SDK1: variants seen among roughly 807,000 people sequenced by gnomAD.
The protein encoded by SDK1 is protein sidekick-1.
SDK1 carries 157 observed loss-of-function variants against 245.5 expected under a neutral mutation model. The observed-to-expected ratio is 0.64, with a 90% CI of 0.56 to 0.73. The LOEUF is 0.73. Ranked by LOEUF, SDK1 falls within the 30% of genes least tolerant of loss-of-function variation. The probability of loss-of-function intolerance (pLI) is 0.00; values close to 1 mark genes in which losing one functional copy is unlikely to be tolerated. For synonymous variants in SDK1, 1,647 were observed against 1,278.5 expected (o/e 1.29, Z -6.15); for missense variants, 3,583 against 3,002.3 (o/e 1.19, Z -4.52).
intron 28 of SDK1, among the ~76,000 whole-genome samples, chr7:4,133,759 G>C (rs182578094): frequency 1.4e-3 from 213 of 152,306 alleles, no homozygotes; most frequent in African/African-American, 4.9e-3. Flanking sequence ...GCCTGTTAGA[G>C]GCAAGTGCAG....
intron 16 of SDK1, among the ~76,000 whole-genome samples, chr7:4,016,277 A>G (rs1347513217): frequency 6.6e-6 from 1 of 152,242 alleles, no homozygotes; most frequent in Non-Finnish European, 1.5e-5. Context: ...GGCAGGAGCC[A>G]CTTCTGGGAT....
intron 37 of SDK1, 118 bp from the exon 38 acceptor site, chr7:4,209,907 T>A (rs1446836691): frequency 1.0e-6 from 1 of 989,284 alleles, no homozygotes; most frequent in African/African-American, 1.6e-5. Flanking sequence ...TTCAGACTTT[T>A]ACTGAGTTGA....
At chr7:3,640,160 C>G (rs1254397529) in intron 3 of SDK1, among the ~76,000 whole-genome samples, 1 of 152,140 alleles carries the variant, frequency 6.6e-6, no homozygotes, top group Non-Finnish European at 1.5e-5. Context: ...GCTTGTTTTA[C>G]TATATTTTGA....
chr7:3,684,669 T>G (rs1307228844), intron 4 of SDK1, among the ~76,000 whole-genome samples: 1 of 151,906 alleles, frequency 6.6e-6, no homozygotes, highest in African/African-American at 2.4e-5. Flanking sequence ...AAATCAGAGA[T>G]GAATGTGATG....
rs530865089 is a variant in SDK1 at position 3,816,637 on chromosome 7, A to G, written c.714-4813A>G. 2.6e-5 allele frequency among the ~76,000 whole-genome samples: 4 copies of G among 152,218 alleles called. No homozygotes were observed. The South Asian group carries it at 8.3e-4, about 32-fold the overall frequency. ...CCAACCAAAAAGAGTCCAGGACCAG[A>G]TGGATTCACAGCCGAATTCTACCAG... On this transcript the variant is annotated intron_variant, in intron 4 of 44. Transcript: ENST00000404826.
At position 3,906,399 on chromosome 7, in the gene SDK1, T is replaced by TGTGTGA. The variant is rs373402283; in HGVS notation, c.848-44523_848-44522insTGTGAG. On this transcript the variant is annotated intron_variant, in intron 5 of 44. Transcript: ENST00000404826. ...GTATGCGTATGTGTGTGTGTGTGTG[T>TGTGTGA]GAGAGAGAGAGAGAGACAGAGAGCG... is the stretch of plus-strand genomic sequence containing the variant. 2.1e-3 allele frequency among the ~76,000 whole-genome samples: 321 copies of TGTGTGA among 150,022 alleles called. 2 individuals carry two copies. Among genetic ancestry groups the TGTGTGA allele is most frequent in the African/African-American group, 7.6e-3 (311 of 40,860 alleles).
chr7:3,430,312 C>G (rs931037315), intron 1 of SDK1, among the ~76,000 whole-genome samples: 6 of 151,950 alleles, frequency 3.9e-5, no homozygotes, highest in African/African-American at 9.7e-5. Flanking sequence ...GGGACTGTGT[C>G]CTAATTAGTA....
chr7:4,010,268 T>C (rs1483683928), intron 14 of SDK1, among the ~76,000 whole-genome samples: 1 of 152,248 alleles, frequency 6.6e-6, no homozygotes, highest in Admixed American at 6.5e-5. Flanking sequence ...CTGAAAAGCC[T>C]GTTTAAACTC....
intron 1 of SDK1, among the ~76,000 whole-genome samples, chr7:3,409,356 G>GAGA (rs1779138578): frequency 6.7e-6 from 1 of 149,872 alleles, no homozygotes; most frequent in Admixed American, 6.7e-5. Context: ...TGGTTAACCT[G>GAGA]AGAATGGATT....
At chr7:3,324,569 A>G (rs1057093604) in intron 1 of SDK1, among the ~76,000 whole-genome samples, 19 of 152,186 alleles carry the variant, frequency 1.2e-4, no homozygotes, top group Admixed American at 3.9e-4. Flanking sequence ...AAGTGGAACT[A>G]GATACTTTAT....
chr7:4,171,259 G>T (rs1437193839), intron 32 of SDK1, among the ~76,000 whole-genome samples: 1 of 152,198 alleles, frequency 6.6e-6, no homozygotes, highest in Admixed American at 6.5e-5. Flanking sequence ...ACCCTGGAGA[G>T]ACCCTCATCT....
intron 44 of SDK1, among the ~76,000 whole-genome samples, chr7:4,246,807 G>T (rs774421577): frequency 1.3e-5 from 2 of 152,126 alleles, no homozygotes; most frequent in African/African-American, 4.8e-5. Flanking sequence ...GGGCCTACCC[G>T]CCTCAGGCCT....
At chr7:3,353,531 G>A (rs1468938738) in intron 1 of SDK1, among the ~76,000 whole-genome samples, 1 of 152,120 alleles carries the variant, frequency 6.6e-6, no homozygotes, top group African/African-American at 2.4e-5. Context: ...TGTAAAATTG[G>A]AAAAGTAATG....
chr7:3,494,284 T>C (rs1382767691), intron 1 of SDK1, among the ~76,000 whole-genome samples: 1 of 152,210 alleles, frequency 6.6e-6, no homozygotes, highest in East Asian at 1.9e-4. Flanking sequence ...AGATTAAAGA[T>C]AGCAATTTAG....
intron 1 of SDK1, among the ~76,000 whole-genome samples, chr7:3,583,350 C>A (rs1041110329): frequency 3.3e-5 from 5 of 152,258 alleles, no homozygotes; most frequent in Admixed American, 3.3e-4. Context: ...CTTCCGGTGC[C>A]AAATTGCTCT....
At chr7:3,924,283 C>G (rs947925601) in intron 5 of SDK1, among the ~76,000 whole-genome samples, 8 of 152,112 alleles carry the variant, frequency 5.3e-5, no homozygotes, top group African/African-American at 1.9e-4. Flanking sequence ...TAGGATGGCT[C>G]AGTTCATTCA....
chr7:3,453,671 C>G (rs2128592458), intron 1 of SDK1, among the ~76,000 whole-genome samples: 1 of 152,320 alleles, frequency 6.6e-6, no homozygotes, highest in African/African-American at 2.4e-5. Context: ...CCTGGAACTT[C>G]TGGGCTCAAA....
At chr7:3,738,148 C>G (rs1193889988) in intron 4 of SDK1, among the ~76,000 whole-genome samples, 3 of 152,196 alleles carry the variant, frequency 2.0e-5, no homozygotes, top group African/African-American at 7.2e-5. Flanking sequence ...AATCTTCTCT[C>G]TTATGTTTTA....
At chr7:3,306,776 G>C (rs903942414) in intron 1 of SDK1, among the ~76,000 whole-genome samples, 2 of 152,148 alleles carry the variant, frequency 1.3e-5, no homozygotes, top group Non-Finnish European at 2.9e-5. Flanking sequence ...AGGATTTGGC[G>C]TCTAAGGTGG....
Sources: allele counts gnomAD v4.1 joint callset (sites outside exome capture counted in the v4.1 genomes callset), GRCh38; gene constraint gnomAD v4.1.1; transcripts MANE v1.5; gene names NCBI Gene and HGNC (gene_info 2026-07-23, HGNC 2026-07-21).